The following ANKAR variants were observed in gnomAD, a reference collection of about 807,000 sequenced individuals.
The protein encoded by ANKAR is ankyrin and armadillo repeat-containing protein.
In ANKAR, 136 loss-of-function variants were observed where a neutral mutation model predicts 146.2. That is an observed-to-expected ratio of 0.93 (90% CI 0.81 to 1.07). The LOEUF is 1.07. ANKAR is among the 50% of genes least tolerant of loss of function. The pLI is 0.00. For missense variants in ANKAR, 1,567 were observed against 1,679.9 expected (o/e 0.93, Z 1.18); for synonymous variants, 500 against 575.8 (o/e 0.87, Z 1.88).
chr2:189,691,148 C>T (rs1285701222), intron 3 of ANKAR, among the ~76,000 whole-genome samples: 3 of 152,074 alleles, frequency 2.0e-5, no homozygotes, highest in South Asian at 2.1e-4. Flanking sequence ...CTCCACCTCC[C>T]GGGTTCAAGC....
intron 22 of ANKAR, 85 bp from the exon 23 acceptor site, chr2:189,746,295 A>G: frequency 1.4e-6 from 2 of 1,425,162 alleles, no homozygotes; most frequent in Non-Finnish European, 1.9e-6. Context: ...AGTTATGTAA[A>G]GAAAATAGAA....
intron 17 of ANKAR, among the ~76,000 whole-genome samples, chr2:189,736,151 G>C (rs2042814136): frequency 6.6e-6 from 1 of 152,170 alleles, no homozygotes; most frequent in Non-Finnish European, 1.5e-5. Context: ...ATACTACCTG[G>C]CATGGTGGGA....
At chr2:189,758,115 G>C (rs546255857) in intron 18 of ANKAR, among the ~76,000 whole-genome samples, 8 of 152,268 alleles carry the variant, frequency 5.3e-5, no homozygotes, top group Admixed American at 2.6e-4. Context: ...GGGAGTGGTG[G>C]TTCACGCCTG....
chr2:189,681,816 A>G (rs149527675), intron 2 of ANKAR, among the ~76,000 whole-genome samples: 2 of 152,328 alleles, frequency 1.3e-5, no homozygotes, highest in East Asian at 3.9e-4. Flanking sequence ...ATGTGGTGTT[A>G]TTGTTGCATA....
chr2:189,688,849 C>G lies in ANKAR; in HGVS notation c.602-678C>G, dbSNP rs952085252. On this transcript the variant is annotated intron_variant, in intron 2 of 22. Coordinates refer to ENST00000684021, the MANE Select transcript of ANKAR (RefSeq NM_001378068.1). Reference sequence around the variant, plus strand: ...AGGGACTTGAAGGCATTCACGTGTACAGCCTCTGTAAACAGGCCAGAACCA... The same window carrying G: ...AGGGACTTGAAGGCATTCACGTGTAGAGCCTCTGTAAACAGGCCAGAACCA... Among the ~76,000 whole-genome samples, 5 of 152,170 alleles carry G rather than the reference C, an allele frequency of 3.3e-5. No homozygotes were observed. The East Asian group carries it at 9.6e-4, about 29-fold the overall frequency.
chr2:189,756,228 G>C (rs191694148), intron 18 of ANKAR, among the ~76,000 whole-genome samples: 1 of 152,268 alleles, frequency 6.6e-6, no homozygotes, highest in Admixed American at 6.5e-5. Context: ...TTGGGAATCT[G>C]GTGCTCAGAG....
chr2:189,721,982 C>A (rs1037180117), intron 12 of ANKAR, among the ~76,000 whole-genome samples: 1 of 152,128 alleles, frequency 6.6e-6, no homozygotes, highest in Non-Finnish European at 1.5e-5. Flanking sequence ...TCCTTCATAA[C>A]AAATTCCTTA....
chr2:189,725,856 T>C (rs1255262501), intron 12 of ANKAR, among the ~76,000 whole-genome samples: 1 of 152,036 alleles, frequency 6.6e-6, no homozygotes, highest in Non-Finnish European at 1.5e-5. Context: ...TGCAGTGAGC[T>C]GAGTTCATGT....
chr2:189,746,364 T>G lies in ANKAR; in HGVS notation c.4058-16T>G, dbSNP rs373857810. On this transcript the variant is annotated splice_polypyrimidine_tract_variant and intron_variant, in intron 22 of 22. Coordinates refer to ENST00000684021, the MANE Select transcript of ANKAR (RefSeq NM_001378068.1). Reference sequence around the variant, plus strand: ...AGGGCTCTCAGGAGAGACATTTAATTGTGGCTAATTTTTAGGGAAGGAGCA... The same window carrying G: ...AGGGCTCTCAGGAGAGACATTTAATGGTGGCTAATTTTTAGGGAAGGAGCA... The G allele has an allele frequency of 4.2e-5, 67 of 1,593,170 alleles. No homozygotes were observed. In the African/African-American group the frequency reaches 7.7e-4, roughly 18 times the overall value.
chr2:189,718,396 AG>A (rs1372273402), intron 10 of ANKAR, among the ~76,000 whole-genome samples: 2 of 150,320 alleles, frequency 1.3e-5, no homozygotes, highest in African/African-American at 2.4e-5. Context: ...ACACACACAA[AG>A]AAAATGTTCT....
At chr2:189,677,327 G>A (rs1201684972) in intron 2 of ANKAR, among the ~76,000 whole-genome samples, 3 of 151,972 alleles carry the variant, frequency 2.0e-5, no homozygotes, top group African/African-American at 7.3e-5. Flanking sequence ...GGGAACAGGT[G>A]GTTTTTGGTT....
chr2:189,752,799 A>G lies in ANKAR; in HGVS notation c.*584+8011A>G, dbSNP rs372784064. 8.7e-6 allele frequency: 14 copies of G among 1,613,278 alleles called. No homozygotes were observed. In the South Asian group the frequency reaches 1.4e-4, roughly 16 times the overall value. The stretch of plus-strand genomic sequence containing the variant: ...AGAAGGCTTAGTATGATAAAATGGC[A>G]ATTAATATTTACATAGTTATGAGTG... On this transcript the variant is annotated intron_variant and NMD_transcript_variant, in intron 18 of 18. Coordinates refer to the ANKAR transcript ENST00000441800.
intron 7 of ANKAR, among the ~76,000 whole-genome samples, chr2:189,699,034 A>G (rs1380909118): frequency 6.6e-6 from 1 of 152,206 alleles, no homozygotes; most frequent in Non-Finnish European, 1.5e-5. Context: ...ACTTGAATAT[A>G]AAGCTCCATA....
At chr2:189,744,676 T>A in intron 21 of ANKAR, 66 bp from the exon 22 acceptor site, 1 of 1,174,670 alleles carries the variant, frequency 8.5e-7, no homozygotes, top group Non-Finnish European at 1.2e-6. Context: ...ATATACTTCT[T>A]CATATATTTT....
At chr2:189,759,835 A>G (rs996883412) in intron 18 of ANKAR, among the ~76,000 whole-genome samples, 3 of 152,046 alleles carry the variant, frequency 2.0e-5, no homozygotes, top group African/African-American at 7.2e-5. Context: ...ATAGGACAAT[A>G]GTGGAGAGAA....
intron 10 of ANKAR, among the ~76,000 whole-genome samples, chr2:189,717,219 A>G (rs1229523151): frequency 1.3e-5 from 2 of 152,260 alleles, no homozygotes; most frequent in African/African-American, 2.4e-5. Flanking sequence ...TCCAGAATCT[A>G]CGGAGAACTT....
intron 10 of ANKAR, among the ~76,000 whole-genome samples, chr2:189,717,339 C>T (rs2040599198): frequency 6.6e-6 from 1 of 152,174 alleles, no homozygotes; most frequent in African/African-American, 2.4e-5. Context: ...TGAAAAAACG[C>T]TCATCATCAC....
chr2:189,695,682 A>ATTTACTTTCCATT (rs1559075504), intron 6 of ANKAR, among the ~76,000 whole-genome samples: 1 of 152,184 alleles, frequency 6.6e-6, no homozygotes, highest in East Asian at 1.9e-4. Flanking sequence ...TTAGACTGGT[A>ATTTACTTTCCATT]TTTACTTTCC....
At position 189,733,166 on chromosome 2, in the gene ANKAR, C is replaced by T; in HGVS notation, c.3360C>T (p.Asp1120=). ...IVLGNDVLQK[D]LHENEGFEYA... ...TAGGGAATGATGTGTTACAGAAAGA[C>T]TTACATGAAAATGAAGGATTTGAAT... The change falls in exon 17 of 23, where the codon GAC becomes GAT. Residue 1120 remains aspartate (D), a synonymous_variant. Transcript: ENST00000684021. 1 of 1,612,704 alleles carries T rather than the reference C, an allele frequency of 6.2e-7. No individual in the cohort carries two copies. The highest frequency in any genetic ancestry group is 8.5e-7 in the Non-Finnish European group (1 of 1,179,218).
Sources: allele counts gnomAD v4.1 joint callset (sites outside exome capture counted in the v4.1 genomes callset), GRCh38; gene constraint gnomAD v4.1.1; transcripts MANE v1.5; gene names NCBI Gene and HGNC (gene_info 2026-07-23, HGNC 2026-07-21).